The following UBE2E2 variants were observed in gnomAD, a reference collection of about 807,000 sequenced individuals.
UBE2E2 encodes ubiquitin conjugating enzyme E2 E2.
A neutral mutation model predicts 24.7 loss-of-function variants in UBE2E2; 6 were observed. The ratio of observed to expected loss-of-function variants is 0.24; its 90% confidence interval spans 0.13 to 0.48. The LOEUF (loss-of-function observed/expected upper bound fraction) is 0.48, where lower values mean the gene tolerates loss of function less well. UBE2E2 is among the 20% of genes least tolerant of loss of function. The pLI is 0.99. For synonymous variants in UBE2E2, 104 were observed against 83.6 expected (o/e 1.24, Z -1.33); for missense variants, 169 against 245.0 (o/e 0.69, Z 2.07).
chr3:23,217,773 G>C (rs978418732), intron 3 of UBE2E2, among the ~76,000 whole-genome samples: 1 of 151,972 alleles, frequency 6.6e-6, no homozygotes, highest in African/African-American at 2.4e-5. Context: ...GTTGTGACTA[G>C]GTAAGAATGG....
At chr3:23,485,743 C>G (rs1307609263) in intron 3 of UBE2E2, among the ~76,000 whole-genome samples, 1 of 152,132 alleles carries the variant, frequency 6.6e-6, no homozygotes, top group Non-Finnish European at 1.5e-5. Context: ...TGGGACTTAT[C>G]AGGTCATTTG....
At chr3:23,502,606 C>T (rs1699748017) in intron 4 of UBE2E2, among the ~76,000 whole-genome samples, 1 of 152,102 alleles carries the variant, frequency 6.6e-6, no homozygotes, top group South Asian at 2.1e-4. Flanking sequence ...CCCTATATTC[C>T]ACTGCCCAAT....
intron 3 of UBE2E2, among the ~76,000 whole-genome samples, chr3:23,292,035 T>G (rs1698782914): frequency 6.6e-6 from 1 of 151,980 alleles, no homozygotes; most frequent in South Asian, 2.1e-4. Flanking sequence ...ATTTTTTGTA[T>G]TTTTAGTAGA....
intron 4 of UBE2E2, among the ~76,000 whole-genome samples, chr3:23,502,275 C>T (rs1320843043): frequency 6.7e-6 from 1 of 149,344 alleles, no homozygotes; most frequent in South Asian, 2.1e-4. Flanking sequence ...TTGATTCCTG[C>T]AACATTTCCC....
At chr3:23,545,290 C>T (rs1031446449) in intron 5 of UBE2E2, among the ~76,000 whole-genome samples, 1 of 152,140 alleles carries the variant, frequency 6.6e-6, no homozygotes, top group Non-Finnish European at 1.5e-5. Flanking sequence ...GGAGAGAAAC[C>T]TTGGACAATA....
intron 4 of UBE2E2, among the ~76,000 whole-genome samples, chr3:23,508,814 G>C (rs1159883167): frequency 6.6e-6 from 1 of 152,164 alleles, no homozygotes; most frequent in Admixed American, 6.5e-5. Context: ...ATTCCTTCAC[G>C]ATGGATGTTC....
chr3:23,433,512 T>C (rs1698113909), intron 3 of UBE2E2, among the ~76,000 whole-genome samples: 1 of 152,048 alleles, frequency 6.6e-6, no homozygotes, highest in African/African-American at 2.4e-5. Context: ...ATTGGTTGTT[T>C]TTAATTTTTT....
At chr3:23,326,771 C>A (rs562104275) in intron 3 of UBE2E2, among the ~76,000 whole-genome samples, 28 of 152,228 alleles carry the variant, frequency 1.8e-4, no homozygotes, top group Non-Finnish European at 3.7e-4. Context: ...TGCGCTGCAC[C>A]CATTAACTCG....
At chr3:23,328,381 G>T (rs2125297790) in intron 3 of UBE2E2, among the ~76,000 whole-genome samples, 1 of 152,240 alleles carries the variant, frequency 6.6e-6, no homozygotes, top group East Asian at 1.9e-4. Context: ...GTACTTCAGT[G>T]TGGTATTCAG....
At chr3:23,363,867 T>C (rs1162371163) in intron 3 of UBE2E2, among the ~76,000 whole-genome samples, 3 of 151,780 alleles carry the variant, frequency 2.0e-5, no homozygotes, top group Middle Eastern at 3.4e-3. Context: ...ACATGGCATG[T>C]ACTCTAAAAT....
At chr3:23,216,818 C>G (rs1696488694) in intron 2 of UBE2E2, among the ~76,000 whole-genome samples, 1 of 152,070 alleles carries the variant, frequency 6.6e-6, no homozygotes, top group South Asian at 2.1e-4. Context: ...ATACCATATG[C>G]ATCTTGATGG....
At chr3:23,318,021 T>G (rs1209073573) in intron 3 of UBE2E2, among the ~76,000 whole-genome samples, 1 of 152,114 alleles carries the variant, frequency 6.6e-6, no homozygotes, top group African/African-American at 2.4e-5. Context: ...TTTGGCCATC[T>G]TGTTCTGACT....
intron 5 of UBE2E2, among the ~76,000 whole-genome samples, chr3:23,543,547 T>TAA (rs34425323): frequency 8.0e-5 from 11 of 137,306 alleles, no homozygotes; most frequent in African/African-American, 3.1e-4. Flanking sequence ...AAAACACTGC[T>TAA]AAAAAAAAAA....
intron 3 of UBE2E2, among the ~76,000 whole-genome samples, chr3:23,294,689 TATA>T (rs931801688): frequency 8.8e-5 from 13 of 147,126 alleles, no homozygotes; most frequent in South Asian, 2.1e-4. Flanking sequence ...TTTATTTAAA[TATA>T]ATATTTATAT....
At chr3:23,330,339 G>T (rs936230544) in intron 3 of UBE2E2, among the ~76,000 whole-genome samples, 1 of 152,086 alleles carries the variant, frequency 6.6e-6, no homozygotes, top group African/African-American at 2.4e-5. Flanking sequence ...CTTTGAAAGA[G>T]CTCTTCTCTT....
intron 1 of UBE2E2, among the ~76,000 whole-genome samples, chr3:23,205,241 A>G (rs1247246662): frequency 6.6e-6 from 1 of 152,198 alleles, no homozygotes; most frequent in Admixed American, 6.5e-5. Flanking sequence ...AATATCTTTG[A>G]AAGTATCATT....
chr3:23,275,952 G>T (rs1349144602), intron 3 of UBE2E2, among the ~76,000 whole-genome samples: 2 of 152,116 alleles, frequency 1.3e-5, no homozygotes, highest in Non-Finnish European at 2.9e-5. Flanking sequence ...GATTTCCAGA[G>T]ACTACGTATC....
intron 5 of UBE2E2, among the ~76,000 whole-genome samples, chr3:23,540,806 G>A (rs1464152404): frequency 6.6e-6 from 1 of 152,012 alleles, no homozygotes. Context: ...CCCCCTACCG[G>A]AACTCCTGGG....
intron 5 of UBE2E2, among the ~76,000 whole-genome samples, chr3:23,538,591 C>G (rs1401890296): frequency 6.6e-6 from 1 of 152,108 alleles, no homozygotes; most frequent in African/African-American, 2.4e-5. Flanking sequence ...CTTCCCTCCC[C>G]TAAGTTTCCC....
Sources: gnomAD v4.1 joint callset for allele counts (sites outside exome capture counted in the v4.1 genomes callset) on GRCh38, gnomAD v4.1.1 for gene constraint, MANE v1.5 for transcripts, NCBI Gene and HGNC (gene_info 2026-07-23, HGNC 2026-07-21) for gene names.